Variants in SLC14A2 observed in about 807,000 individuals in gnomAD.
SLC14A2 encodes the protein urea transporter 2.
SLC14A2 carries 91 observed loss-of-function variants against 104.6 expected under a neutral mutation model. The ratio of observed to expected loss-of-function variants is 0.87; its 90% CI spans 0.73 to 1.04. The LOEUF is 1.04. SLC14A2 is among the 50% of genes least tolerant of loss of function. The pLI is 0.00. For synonymous variants in SLC14A2, 476 were observed against 466.4 expected, an observed-to-expected ratio of 1.02 and a Z score of -0.27; for missense variants, 1,189 against 1,156.0, an observed-to-expected ratio of 1.03 and a Z score of -0.41.
At chr18:45,323,273 A>G (rs187868873) in intron 1 of SLC14A2, among the ~76,000 whole-genome samples, 7 of 152,326 alleles carry the variant, frequency 4.6e-5, no homozygotes, top group Admixed American at 3.9e-4. Flanking sequence ...AAAAAGCAAA[A>G]TATGTCTTTT....
In SLC14A2 at chr18:45,644,090, C is replaced by T; in HGVS notation, c.1281C>T (p.Val427=). 1.2e-6 allele frequency: 2 copies of T among 1,614,256 alleles called. No homozygotes were observed. The highest frequency in any genetic ancestry group is 8.5e-7 in the Non-Finnish European group (1 of 1,180,032). ...PAIFRLPLSK[V]TYPEANRIYY... The stretch of plus-strand genomic sequence containing the variant: ...TCTTCAGACTCCCACTCAGCAAAGT[C>T]ACCTACCCCGAGGCCAACCGCATCT... Residue 427 remains valine, a synonymous_variant, in exon 10 of 20, where the codon GTC becomes GTT. Coordinates refer to ENST00000255226, the MANE Select transcript of SLC14A2 (RefSeq NM_007163.4).
At chr18:45,670,477 G>A (rs933261787) in intron 16 of SLC14A2, among the ~76,000 whole-genome samples, 3 of 152,110 alleles carry the variant, frequency 2.0e-5, no homozygotes. Flanking sequence ...CTGAGACTTC[G>A]TTATTGGCAA....
At chr18:45,572,968 G>T (rs545711020) in intron 2 of SLC14A2, among the ~76,000 whole-genome samples, 2 of 152,238 alleles carry the variant, frequency 1.3e-5, no homozygotes, top group East Asian at 3.9e-4. Flanking sequence ...TCACCATGTT[G>T]GCAGTTAAAA....
chr18:45,599,363 T>G (rs2044756689), intron 2 of SLC14A2, among the ~76,000 whole-genome samples: 1 of 152,250 alleles, frequency 6.6e-6, no homozygotes, highest in African/African-American at 2.4e-5. Context: ...TGTGGCCATA[T>G]GACAATCCCC....
chr18:45,668,075 T>G (rs2046060734), intron 14 of SLC14A2, 53 bp downstream of exon 14: 1 of 1,525,850 alleles, frequency 6.6e-7, no homozygotes. Context: ...TCACTCCCCA[T>G]GGGGACCATT....
intron 2 of SLC14A2, among the ~76,000 whole-genome samples, chr18:45,572,922 T>C (rs2044368526): frequency 6.6e-6 from 1 of 152,232 alleles, no homozygotes; most frequent in Non-Finnish European, 1.5e-5. Flanking sequence ...AATTATTTGA[T>C]CGTTAAGACG....
At chr18:45,661,032 G>A (rs940926434) in intron 10 of SLC14A2, among the ~76,000 whole-genome samples, 1 of 152,210 alleles carries the variant, frequency 6.6e-6, no homozygotes, top group Non-Finnish European at 1.5e-5. Context: ...ATGTGAGAAA[G>A]GTACTTTCTG....
intron 1 of SLC14A2, among the ~76,000 whole-genome samples, chr18:45,454,235 C>A (rs1292754976): frequency 6.6e-6 from 1 of 152,186 alleles, no homozygotes; most frequent in Non-Finnish European, 1.5e-5. Flanking sequence ...ACATTCTAAT[C>A]CTCAACTTCC....
At chr18:45,533,476 T>C (rs1262284360) in intron 2 of SLC14A2, among the ~76,000 whole-genome samples, 3 of 152,246 alleles carry the variant, frequency 2.0e-5, no homozygotes, top group African/African-American at 7.2e-5. Flanking sequence ...ATTTTCAAGT[T>C]GATTTGCATA....
chr18:45,168,306 T>C, the SLC14A2 span, among the ~76,000 whole-genome samples: 1 of 152,348 alleles, frequency 6.6e-6, no homozygotes, highest in African/African-American at 2.4e-5. Context: ...GAAAACAATA[T>C]GATTTCTAGT....
At position 45,366,874 on chromosome 18, in the gene SLC14A2, G is replaced by A. The variant is rs569892344; in HGVS notation, c.-124-116359G>A. Among the ~76,000 whole-genome samples, 11 of 152,318 alleles carry A rather than the reference G, an allele frequency of 7.2e-5. No homozygotes were observed. The East Asian group carries it at 9.7e-4, about 13-fold the overall frequency. On this transcript the variant is annotated intron_variant, in intron 1 of 20. Transcript: ENST00000586448. ...CTTCAGAATGGAACAGAGTGTATGC[G>A]TAAAGGTAGGATATCAGGCCAAGTA... is the stretch of plus-strand genomic sequence containing the variant.
chr18:45,382,210 T>C (rs1278633668), intron 1 of SLC14A2, among the ~76,000 whole-genome samples: 1 of 152,184 alleles, frequency 6.6e-6, no homozygotes, highest in African/African-American at 2.4e-5. Flanking sequence ...CCATATAGGG[T>C]CATTCTCAGA....
chr18:45,254,513 C>G (rs755841962), intron 1 of SLC14A2, among the ~76,000 whole-genome samples: 2 of 152,138 alleles, frequency 1.3e-5, no homozygotes, highest in Non-Finnish European at 2.9e-5. Context: ...ATAAACCATC[C>G]AACTGCACAA....
At chr18:45,181,823 C>G in the SLC14A2 span, among the ~76,000 whole-genome samples, 22 of 152,050 alleles carry the variant, frequency 1.4e-4, no homozygotes, top group African/African-American at 5.1e-4. Context: ...ATCTGTGCGA[C>G]TCTTTATTAA....
At chr18:45,323,669 A>G (rs950109477) in intron 1 of SLC14A2, among the ~76,000 whole-genome samples, 1 of 152,218 alleles carries the variant, frequency 6.6e-6, no homozygotes, top group Non-Finnish European at 1.5e-5. Context: ...CATTGAGTCA[A>G]TGTGTTCTGG....
chr18:45,653,226 C>G (rs77730157), intron 10 of SLC14A2, among the ~76,000 whole-genome samples: 3,892 of 152,116 alleles, frequency 0.026, 156 homozygotes, highest in African/African-American at 0.086. Context: ...CACACCATTC[C>G]CCACCACTCC....
In SLC14A2 at chr18:45,540,338, CCCA is replaced by C. The variant is rs543233332; in HGVS notation, c.-35+57019_-35+57021del. Among the ~76,000 whole-genome samples the C allele has an allele frequency of 2.0e-5, 3 of 152,302 alleles. No individual in the cohort carries two copies. In the South Asian group the frequency reaches 6.2e-4, roughly 32 times the overall value. On this transcript the variant is annotated intron_variant, in intron 2 of 20. Transcript: ENST00000586448. The stretch of plus-strand genomic sequence containing the variant: ...ATTCCTTTCCATCCAGCCCCACATT[CCCA>C]CCCCCAGTGCGCGGGGCTGCTGCTG...
chr18:45,632,622 T>A (rs2045363390), intron 5 of SLC14A2, 144 bp downstream of exon 5: 1 of 808,644 alleles, frequency 1.2e-6, no homozygotes, highest in Non-Finnish European at 2.0e-6. Context: ...TGAAAGCCCA[T>A]GAGTTCTCTT....
the SLC14A2 span, among the ~76,000 whole-genome samples, chr18:45,186,062 A>T: frequency 1.3e-5 from 2 of 152,336 alleles, no homozygotes; most frequent in African/African-American, 4.8e-5. Flanking sequence ...ATTAGTCTCT[A>T]AATTCAATAT....
Sources: allele counts gnomAD v4.1 joint callset (sites outside exome capture counted in the v4.1 genomes callset), GRCh38; gene constraint gnomAD v4.1.1; transcripts MANE v1.5; gene names NCBI Gene and HGNC (gene_info 2026-07-23, HGNC 2026-07-21).